The following ADGRV1 variants were observed in gnomAD, a reference collection of about 807,000 sequenced individuals.
The protein encoded by ADGRV1 is adhesion G protein-coupled receptor V1.
Under a neutral mutation model 596.2 loss-of-function variants are expected in ADGRV1, and 359 were observed. The ratio of observed to expected loss-of-function variants is 0.60; its 90% CI spans 0.55 to 0.66. The LOEUF (loss-of-function observed/expected upper bound fraction) is 0.66, where lower values mean the gene tolerates loss of function less well. Among genes scored for constraint, ADGRV1 ranks in the 30% least tolerant of loss-of-function variants. The pLI, the probability that ADGRV1 is intolerant of heterozygous loss-of-function variation, is 0.00. For synonymous variants in ADGRV1, 2,681 were observed against 2,679.2 expected (o/e 1.00, Z -0.02); for missense variants, 7,274 against 7,575.6 (o/e 0.96, Z 1.48).
In ADGRV1 at chr5:90,658,064, A is replaced by G; in HGVS notation, c.4538A>G (p.Tyr1513Cys). ...AGTGATTTACACCCAATTTCTGGATATCTGGAGTTCAGACAGGGAGAAACT... is the reference window on the plus strand; with the variant it reads ...AGTGATTTACACCCAATTTCTGGATGTCTGGAGTTCAGACAGGGAGAAACT... ...AKSDLHPISG[Y>C]LEFRQGETNK... Residue 1513 changes from tyrosine to cysteine, a missense_variant, in exon 21 of 90, where the codon TAT becomes TGT. By Grantham distance (194) the Tyr-to-Cys change is radical. Around this residue, in one of 5 missense-constraint regions of ADGRV1, gnomAD observed 3,643 missense variants for 3,809.2 expected, o/e 0.96. Coordinates refer to ENST00000405460, the MANE Select transcript of ADGRV1 (RefSeq NM_032119.4). The G allele has an allele frequency of 6.2e-7, 1 of 1,613,948 alleles. No individual in the cohort carries two copies.
intron 59 of ADGRV1, among the ~76,000 whole-genome samples, chr5:90,765,632 A>G (rs1757033367): frequency 6.6e-6 from 1 of 152,130 alleles, no homozygotes; most frequent in Admixed American, 6.5e-5. Context: ...TATGGTAGGA[A>G]CAGTCTAATT....
At chr5:90,871,922 A>G (rs1439747870) in intron 83 of ADGRV1, among the ~76,000 whole-genome samples, 2 of 152,238 alleles carry the variant, frequency 1.3e-5, no homozygotes, top group African/African-American at 4.8e-5. Flanking sequence ...GAGAAGATAC[A>G]TAGTGGATCA....
intron 84 of ADGRV1, among the ~76,000 whole-genome samples, chr5:90,973,856 G>A (rs1430070723): frequency 2.0e-5 from 3 of 152,108 alleles, no homozygotes; most frequent in Admixed American, 1.3e-4. Context: ...GGCCAGGGCA[G>A]TCAGGCAGAA....
chr5:90,820,860 A>G (rs1227671838), intron 75 of ADGRV1, among the ~76,000 whole-genome samples: 1 of 151,630 alleles, frequency 6.6e-6, no homozygotes, highest in Non-Finnish European at 1.5e-5. Flanking sequence ...TTTTTCCTTC[A>G]TTTCAACTTT....
rs876657694 is a variant in ADGRV1 at position 90,807,650 on chromosome 5, G to A, written c.14885G>A (p.Trp4962Ter). 6.2e-7 allele frequency: 1 copy of A among 1,613,210 alleles called. No homozygotes were observed. ...GAACAAAGGAAAGGAGTTTTCCTGTGGACGTTTCCTAGCCCTGGTTGGCCA... is the reference window on the plus strand; with the variant it reads ...GAACAAAGGAAAGGAGTTTTCCTGTAGACGTTTCCTAGCCCTGGTTGGCCA... The part of the protein sequence containing the change: ...HGEQRKGVFL[W>*]TFPSPGWPEA... Residue 4962 changes from tryptophan (W) to a stop codon, truncating the protein, a stop_gained, in exon 73 of 90, where the codon TGG becomes TAG. Transcript: ENST00000405460. LOFTEE classifies it high-confidence loss of function.
chr5:90,716,620 G>A lies in ADGRV1; in HGVS notation c.9338G>A (p.Gly3113Glu). 6.2e-7 allele frequency: 1 copy of A among 1,613,784 alleles called. No homozygotes were observed. Among genetic ancestry groups the A allele is most frequent in the Non-Finnish European group, 8.5e-7 (1 of 1,179,754 alleles). Reference protein sequence around the residue: ...IVREPAQGLFGTVTVQFIVTE... With the variant: ...IVREPAQGLFETVTVQFIVTE... ...CGGGAACCTGCACAAGGATTGTTTG[G>A]AACAGTGACAGTTCAGTTCATTGTG... Residue 3113 changes from glycine to glutamate, a missense_variant, in exon 43 of 90, where the codon GGA (glycine) becomes GAA (glutamate). Gly to Glu is a moderately conservative substitution (Grantham distance 98, BLOSUM62 -2). Transcript: ENST00000405460.
At chr5:90,753,247 G>T (rs1235288634) in intron 53 of ADGRV1, among the ~76,000 whole-genome samples, 1 of 152,024 alleles carries the variant, frequency 6.6e-6, no homozygotes, top group Non-Finnish European at 1.5e-5. Flanking sequence ...TACTTTTATG[G>T]ATCTTTGTAT....
chr5:90,652,532 A>C lies in ADGRV1; in HGVS notation c.3603A>C (p.Glu1201Asp). ...AFPDKIPEFN[E>D]FYFLKLVNIS... ...CAGATAAAATTCCTGAATTCAATGA[A>C]TTTTATTTCCTAAAACTTGTAAACA... is the stretch of plus-strand genomic sequence containing the variant. The change falls in exon 19 of 90, where the codon GAA becomes GAC. Residue 1201 changes from glutamate (E) to aspartate (D), a missense_variant. Physicochemically the swap from Glu to Asp is conservative, Grantham distance 45. This residue lies in a region of ADGRV1 where 1,715 missense variants were observed against 1,708.8 expected (regional missense o/e 1.00). Transcript: ENST00000405460. The C allele has an allele frequency of 6.2e-7, 1 of 1,611,418 alleles. No homozygotes were observed. Among genetic ancestry groups the C allele is most frequent in the Non-Finnish European group, 8.5e-7 (1 of 1,178,250 alleles).
At chr5:91,132,515 G>A (rs1324966106) in intron 87 of ADGRV1, among the ~76,000 whole-genome samples, 1 of 152,192 alleles carries the variant, frequency 6.6e-6, no homozygotes, top group African/African-American at 2.4e-5. Context: ...AAATCACAGA[G>A]GTTGCATTTT....
rs1046571478 is a variant in ADGRV1, at chr5:91,146,382, T to G, written c.18433-3648T>G. ...GATGTCAGGAACAGCAATACAAATT[T>G]TGAGTTGCTGTCTGTGACGAAAGCC... On this transcript the variant is annotated intron_variant, in intron 87 of 89. Coordinates refer to ENST00000405460, the MANE Select transcript of ADGRV1 (RefSeq NM_032119.4). Among the ~76,000 whole-genome samples the G allele has an allele frequency of 5.9e-5, 9 of 152,216 alleles. 1 individual carries two copies. The South Asian group carries it at 1.9e-3, about 31-fold the overall frequency.
chr5:90,855,968 A>C (rs1766986310), intron 82 of ADGRV1, 67 bp downstream of exon 82: 2 of 1,324,790 alleles, frequency 1.5e-6, no homozygotes, highest in Non-Finnish European at 2.1e-6. Flanking sequence ...GTTTTCCCAT[A>C]ATCCTTTTAC....
At chr5:90,570,270 C>G (rs921956734) in intron 1 of ADGRV1, among the ~76,000 whole-genome samples, 4 of 152,146 alleles carry the variant, frequency 2.6e-5, no homozygotes, top group Non-Finnish European at 4.4e-5. Flanking sequence ...GCCTTCTAGC[C>G]TCCTAGGCTA....
intron 1 of ADGRV1, among the ~76,000 whole-genome samples, chr5:90,605,344 G>C (rs1412136237): frequency 6.6e-6 from 1 of 151,586 alleles, no homozygotes; most frequent in African/African-American, 2.4e-5. Context: ...GAACCCGGGA[G>C]GTGGAGGTTG....
At chr5:90,663,821 T>A (rs1324510108) in intron 21 of ADGRV1, among the ~76,000 whole-genome samples, 1 of 152,020 alleles carries the variant, frequency 6.6e-6, no homozygotes, top group Non-Finnish European at 1.5e-5. Context: ...AGTTTCAGCT[T>A]TCTACATATG....
Position 90,985,483 on chromosome 5 carries a change from A to C in ADGRV1, c.18113A>C (p.Gln6038Pro), listed in dbSNP as rs1045115587. ...GTTATTTTGAAAGGAATCTATCATCAGAGCATGTCACAGATCTATGGACTC... is the reference window on the plus strand; with the variant it reads ...GTTATTTTGAAAGGAATCTATCATCCGAGCATGTCACAGATCTATGGACTC... Reference protein sequence around the residue: ...LIVILKGIYHQSMSQIYGLIH... With the variant: ...LIVILKGIYHPSMSQIYGLIH... Residue 6038 changes from glutamine (Q) to proline (P), a missense_variant, in exon 85 of 90, where the codon CAG (glutamine) becomes CCG (proline). Gln to Pro is a moderately conservative substitution (Grantham distance 76, BLOSUM62 -1). Coordinates refer to ENST00000405460, the MANE Select transcript of ADGRV1 (RefSeq NM_032119.4). The C allele has an allele frequency of 1.9e-6, 3 of 1,613,876 alleles. No individual in the cohort carries two copies. Among genetic ancestry groups the C allele is most frequent in the Non-Finnish European group, 2.5e-6 (3 of 1,179,786 alleles).
chr5:91,143,814 C>T (rs1795306400), intron 87 of ADGRV1, among the ~76,000 whole-genome samples: 2 of 152,182 alleles, frequency 1.3e-5, no homozygotes, highest in Admixed American at 1.3e-4. Flanking sequence ...TTCATGATGC[C>T]CAGGCCATTC....
chr5:90,934,437 T>C (rs1390643930), intron 83 of ADGRV1, among the ~76,000 whole-genome samples: 3 of 152,222 alleles, frequency 2.0e-5, no homozygotes, highest in Non-Finnish European at 4.4e-5. Flanking sequence ...AATAAAATCC[T>C]GCTTTTCAGG....
At chr5:90,936,395 A>T (rs1775690972) in intron 83 of ADGRV1, among the ~76,000 whole-genome samples, 1 of 152,074 alleles carries the variant, frequency 6.6e-6, no homozygotes, top group Non-Finnish European at 1.5e-5. Flanking sequence ...TCTCTTTAGG[A>T]TTTTTAAAAA....
intron 86 of ADGRV1, among the ~76,000 whole-genome samples, chr5:91,093,852 T>G (rs958277170): frequency 3.8e-5 from 4 of 104,830 alleles, no homozygotes; most frequent in Non-Finnish European, 7.6e-5. Context: ...CATACGTAAG[T>G]TTTTTTTTTT....
Sources: gnomAD v4.1 joint callset for allele counts (sites outside exome capture counted in the v4.1 genomes callset) on GRCh38, gnomAD v4.1.1 for gene constraint, gnomAD v4.1.1 regional missense constraint, MANE v1.5 for transcripts, NCBI Gene and HGNC (gene_info 2026-07-23, HGNC 2026-07-21) for gene names.